POM121C: variants seen among roughly 807,000 people sequenced by gnomAD.
The protein encoded by POM121C is nuclear envelope pore membrane protein POM 121C.
A neutral mutation model predicts 66.4 loss-of-function variants in POM121C; 20 were observed. The ratio of observed to expected loss-of-function variants is 0.30; its 90% CI spans 0.21 to 0.44. The LOEUF (loss-of-function observed/expected upper bound fraction) is 0.44. Among genes scored for constraint, POM121C ranks in the 20% least tolerant of loss-of-function variants. The pLI is 1.00. For synonymous variants in POM121C, 286 were observed against 528.0 expected (o/e 0.54, Z 6.28); for missense variants, 580 against 1,225.7 (o/e 0.47, Z 7.87).
intron 1 of POM121C, among the ~76,000 whole-genome samples, chr7:75,477,595 T>C (rs1554479574): frequency 6.6e-6 from 1 of 151,392 alleles, no homozygotes; most frequent in Admixed American, 6.6e-5. Flanking sequence ...TGGAAGAAAA[T>C]CAAAAATAGC....
At chr7:75,473,035 CAA>C (rs1791934579) in intron 3 of POM121C, among the ~76,000 whole-genome samples, 1 of 152,048 alleles carries the variant, frequency 6.6e-6, no homozygotes, top group African/African-American at 2.4e-5. Context: ...TCACAGAAGA[CAA>C]AGAACACAAA....
intron 1 of POM121C, among the ~76,000 whole-genome samples, chr7:75,476,782 C>T (rs1792096558): frequency 6.6e-6 from 1 of 152,050 alleles, no homozygotes; most frequent in South Asian, 2.1e-4. Context: ...AATCCAGTAC[C>T]AGATTAAAAA....
chr7:75,456,199 A>G (rs1198855336), intron 3 of POM121C, among the ~76,000 whole-genome samples: 3 of 152,234 alleles, frequency 2.0e-5, no homozygotes, highest in Non-Finnish European at 4.4e-5. Flanking sequence ...TGATCGCTCC[A>G]CTGCACTCCA....
intron 1 of POM121C, among the ~76,000 whole-genome samples, chr7:75,477,996 C>T (rs1435287319): frequency 1.3e-5 from 2 of 152,080 alleles, no homozygotes; most frequent in Middle Eastern, 3.2e-3. Context: ...GATGAAGTCT[C>T]GCTCTTGTCT....
intron 1 of POM121C, among the ~76,000 whole-genome samples, chr7:75,479,294 T>C (rs1792213696): frequency 6.6e-6 from 1 of 152,192 alleles, no homozygotes; most frequent in Non-Finnish European, 1.5e-5. Flanking sequence ...GGTAACTGTG[T>C]ATTTTCTCTC....
intron 3 of POM121C, among the ~76,000 whole-genome samples, chr7:75,472,436 C>T (rs1218154856): frequency 2.0e-5 from 3 of 151,900 alleles, no homozygotes; most frequent in African/African-American, 4.8e-5. Flanking sequence ...TCACTTGAAT[C>T]TGGGAGGCAG....
chr7:75,463,722 T>C (rs1791527327), intron 3 of POM121C, among the ~76,000 whole-genome samples: 1 of 152,148 alleles, frequency 6.6e-6, no homozygotes, highest in Non-Finnish European at 1.5e-5. Flanking sequence ...GACGGAGTCT[T>C]AGCTCTGTCA....
At chr7:75,481,472 A>G (rs1248263875) in intron 1 of POM121C, among the ~76,000 whole-genome samples, 23 of 152,142 alleles carry the variant, frequency 1.5e-4, no homozygotes, top group African/African-American at 5.6e-4. Flanking sequence ...AGCCTACTCA[A>G]TATTTTAGAA....
At chr7:75,447,655 G>T (rs587732593) in intron 3 of POM121C, among the ~76,000 whole-genome samples, 1 of 152,218 alleles carries the variant, frequency 6.6e-6, no homozygotes, top group South Asian at 2.1e-4. Flanking sequence ...GAGAGGCTGA[G>T]CTGGGCAGAT....
chr7:75,483,277 G>A (rs1308224699), intron 1 of POM121C, among the ~76,000 whole-genome samples: 1 of 152,184 alleles, frequency 6.6e-6, no homozygotes, highest in Non-Finnish European at 1.5e-5. Flanking sequence ...CAACTTGAAT[G>A]AAGAAATTTT....
At chr7:75,431,039 G>C (rs188069403) in intron 7 of POM121C, among the ~76,000 whole-genome samples, 205 of 119,682 alleles carry the variant, frequency 1.7e-3, no homozygotes, top group African/African-American at 5.7e-3. Context: ...TCGCATCACT[G>C]CACTCCAGCC....
At chr7:75,471,856 C>T (rs587755571) in intron 3 of POM121C, among the ~76,000 whole-genome samples, 13 of 152,274 alleles carry the variant, frequency 8.5e-5, no homozygotes, top group African/African-American at 1.9e-4. Flanking sequence ...TTACCGTACA[C>T]TTAAAAATGG....
At chr7:75,457,776 C>T (rs587639161) in intron 3 of POM121C, among the ~76,000 whole-genome samples, 94 of 152,348 alleles carry the variant, frequency 6.2e-4, no homozygotes, top group Admixed American at 2.2e-3. Flanking sequence ...TCCCACCCAC[C>T]GCAGAATACT....
At chr7:75,449,068 G>A (rs1385227816) in intron 3 of POM121C, among the ~76,000 whole-genome samples, 2 of 150,432 alleles carry the variant, frequency 1.3e-5, no homozygotes, top group South Asian at 2.1e-4. Context: ...CTGCAGGCGT[G>A]AGCCACCGCA....
At chr7:75,428,550 C>G (rs1287636547) in intron 7 of POM121C, among the ~76,000 whole-genome samples, 1 of 151,914 alleles carries the variant, frequency 6.6e-6, no homozygotes, top group Non-Finnish European at 1.5e-5. Context: ...GAGTTTCAGA[C>G]CAGCCTGGGC....
intron 1 of POM121C, chr7:75,484,224 C>G (rs587773621): frequency 5.4e-5 from 87 of 1,609,886 alleles, no homozygotes; most frequent in Non-Finnish European, 6.6e-5. Context: ...TTCTGCTGCT[C>G]TTGGAAACAT....
chr7:75,452,292 T>C (rs1300347968), intron 3 of POM121C, among the ~76,000 whole-genome samples: 4 of 151,584 alleles, frequency 2.6e-5, no homozygotes, highest in Non-Finnish European at 5.9e-5. Context: ...ATCCCATCTC[T>C]ACTAAAAATA....
chr7:75,442,272 C>G, intron 3 of POM121C: 1 of 1,451,646 alleles, frequency 6.9e-7, no homozygotes, highest in Non-Finnish European at 9.0e-7. Context: ...GGGCGGCGGC[C>G]AGGCCTATTC....
intron 13 of POM121C, chr7:75,420,161 G>T (rs190003661): frequency 0.013 from 2,014 of 152,254 alleles, 47 homozygotes; most frequent in African/African-American, 0.045. Context: ...ACCACTCACG[G>T]TGACTTCGCC....
Sources: allele counts gnomAD v4.1 joint callset (sites outside exome capture counted in the v4.1 genomes callset), GRCh38; gene constraint gnomAD v4.1.1; transcripts MANE v1.5; gene names NCBI Gene and HGNC (gene_info 2026-07-23, HGNC 2026-07-21).